RPS6KA2: variants seen among roughly 807,000 people sequenced by gnomAD.
The protein encoded by RPS6KA2 is ribosomal protein S6 kinase alpha-2.
Under a neutral mutation model 91.8 loss-of-function variants are expected in RPS6KA2, and 42 were observed. The ratio of observed to expected loss-of-function variants is 0.46; its 90% confidence interval spans 0.36 to 0.59. The LOEUF is 0.59. Ranked by LOEUF, RPS6KA2 falls within the 20% of genes least tolerant of loss-of-function variation. The pLI is 0.00. For missense variants in RPS6KA2, 798 were observed against 978.5 expected (o/e 0.82, Z 2.46); for synonymous variants, 414 against 393.6 (o/e 1.05, Z -0.61).
chr6:166,479,239 G>A (rs1380842830), intron 10 of RPS6KA2, among the ~76,000 whole-genome samples: 1 of 152,218 alleles, frequency 6.6e-6, no homozygotes, highest in African/African-American at 2.4e-5. Context: ...GGCTTCACGG[G>A]TCCCCAGAGC....
chr6:166,489,416 G>A (rs1489320420), intron 9 of RPS6KA2, among the ~76,000 whole-genome samples: 3 of 152,168 alleles, frequency 2.0e-5, no homozygotes, highest in Non-Finnish European at 2.9e-5. Flanking sequence ...GAAAACCTGC[G>A]AGAGGAGGAC....
rs953290269 is a variant in RPS6KA2, at chr6:166,445,667, T to G, written c.1332+3057A>C. 4.6e-5 allele frequency among the ~76,000 whole-genome samples: 7 copies of G among 152,220 alleles called. No homozygotes were observed. Among genetic ancestry groups the G allele is most frequent in the Non-Finnish European group, 1.0e-4 (7 of 68,034 alleles). Reference sequence around the variant, plus strand: ...TGCTTACTAAAGATTGCTGCATTTCTCTTTCTGTCATTACTCGGTGGGGAC... The same window carrying G: ...TGCTTACTAAAGATTGCTGCATTTCGCTTTCTGTCATTACTCGGTGGGGAC... On this transcript the variant is annotated intron_variant, in intron 14 of 20. Transcript: ENST00000265678. This position sits in a 1 kb window ranked among gnomAD's most constrained non-coding sequence, Gnocchi z 4.5.
chr6:166,685,302 T>TGC (rs1788977834), intron 2 of RPS6KA2, among the ~76,000 whole-genome samples: 365 of 149,568 alleles, frequency 2.4e-3, no homozygotes, highest in Middle Eastern at 7.0e-3. Flanking sequence ...GTGTGCAGGC[T>TGC]GGAAGGACAG....
At chr6:166,545,709 T>G (rs914267944) in intron 1 of RPS6KA2, among the ~76,000 whole-genome samples, 1 of 152,240 alleles carries the variant, frequency 6.6e-6, no homozygotes, top group Non-Finnish European at 1.5e-5. Context: ...CCACTGTTTC[T>G]GCCTTCGCCT....
chr6:166,612,108 C>T lies in RPS6KA2; in HGVS notation c.99+14813G>A, dbSNP rs557982647. Among the ~76,000 whole-genome samples the T allele has an allele frequency of 1.1e-4, 16 of 152,270 alleles. No homozygotes were observed. Among genetic ancestry groups the T allele is most frequent in the African/African-American group, 3.4e-4 (14 of 41,550 alleles). On this transcript the variant is annotated intron_variant, in intron 1 of 20. Coordinates refer to ENST00000265678, the MANE Select transcript of RPS6KA2 (RefSeq NM_021135.6). This position sits in a 1 kb window ranked among gnomAD's most constrained non-coding sequence, Gnocchi z 4.3. ...TTCCCAGGCCTGTTTGTTCTTTTTC[C>T]TCTTATTTTTCCTCCGTCGTCCAAC...
In RPS6KA2 at chr6:166,774,538, A is replaced by G. The variant is rs181174639; in HGVS notation, c.123+83662T>C. Among the ~76,000 whole-genome samples, 210 of 152,192 alleles carry G rather than the reference A, an allele frequency of 1.4e-3. 1 individual carries two copies. The highest frequency in any genetic ancestry group is 4.8e-3 in the African/African-American group (199 of 41,522). ...AGCACCACGTGGCTAAGCTCTCCCA[A>G]GATGCTACGGACCATGGTAGGGAGC... On this transcript the variant is annotated intron_variant, in intron 2 of 21. Transcript: ENST00000503859.
intron 2 of RPS6KA2, among the ~76,000 whole-genome samples, chr6:166,685,856 A>G (rs1368464621): frequency 6.6e-6 from 1 of 152,110 alleles, no homozygotes; most frequent in Non-Finnish European, 1.5e-5. Flanking sequence ...CTCTATCTCC[A>G]TGGTATCTAC....
intron 1 of RPS6KA2, among the ~76,000 whole-genome samples, chr6:166,860,051 A>G (rs1376317167): frequency 6.6e-6 from 1 of 152,242 alleles, no homozygotes; most frequent in Non-Finnish European, 1.5e-5. Flanking sequence ...TTATTTTAAT[A>G]CCATGCAACA....
At chr6:166,831,617 G>A (rs377696753) in intron 2 of RPS6KA2, among the ~76,000 whole-genome samples, 20 of 151,432 alleles carry the variant, frequency 1.3e-4, no homozygotes, top group African/African-American at 3.6e-4. Context: ...TTTCCATGCC[G>A]CATTTGCCCT....
At chr6:166,758,222 A>C (rs1778072054) in intron 2 of RPS6KA2, among the ~76,000 whole-genome samples, 1 of 152,196 alleles carries the variant, frequency 6.6e-6, no homozygotes, top group Non-Finnish European at 1.5e-5. Context: ...TGGGTCAGTG[A>C]ATGCACACCA....
At chr6:166,814,729 G>A (rs1269965420) in intron 2 of RPS6KA2, among the ~76,000 whole-genome samples, 1 of 152,226 alleles carries the variant, frequency 6.6e-6, no homozygotes, top group Non-Finnish European at 1.5e-5. Context: ...ATTGTGTATA[G>A]GAGGGTTCTA....
Position 166,559,648 on chromosome 6 carries a change from G to T in RPS6KA2, c.100-20864C>A, listed in dbSNP as rs551537567. ...CTAAACTCTCCCCTATCCAGAATCC[G>T]AATTGAGTAATATGGTCTGGCCTTA... On this transcript the variant is annotated intron_variant, in intron 1 of 20. Coordinates refer to ENST00000265678, the MANE Select transcript of RPS6KA2 (RefSeq NM_021135.6). Among the ~76,000 whole-genome samples the T allele has an allele frequency of 1.2e-3, 177 of 152,198 alleles. 4 individuals carry two copies. Among genetic ancestry groups the T allele is most frequent in the Admixed American group, 1.3e-3 (20 of 15,298 alleles).
At chr6:166,472,348 A>C (rs1368653552) in intron 10 of RPS6KA2, among the ~76,000 whole-genome samples, 1 of 152,212 alleles carries the variant, frequency 6.6e-6, no homozygotes, top group African/African-American at 2.4e-5. Context: ...AGGCAGAGGA[A>C]ATACAGGTAT....
At chr6:166,671,671 G>A (rs1470196453) in intron 2 of RPS6KA2, among the ~76,000 whole-genome samples, 1 of 151,052 alleles carries the variant, frequency 6.6e-6, no homozygotes, top group Admixed American at 6.6e-5. Flanking sequence ...TCTTCTCTGT[G>A]CTCTGAAATC....
chr6:166,757,280 G>A (rs1778041702), intron 2 of RPS6KA2, among the ~76,000 whole-genome samples: 1 of 152,108 alleles, frequency 6.6e-6, no homozygotes, highest in African/African-American at 2.4e-5. Context: ...GAAACATTAA[G>A]TTTTCTTGGG....
At chr6:166,834,869 G>A (rs1780280341) in intron 2 of RPS6KA2, among the ~76,000 whole-genome samples, 1 of 149,990 alleles carries the variant, frequency 6.7e-6, no homozygotes, top group South Asian at 2.1e-4. Context: ...TTATTTAGCA[G>A]TTCATGCCTT....
intron 2 of RPS6KA2, among the ~76,000 whole-genome samples, chr6:166,680,966 G>A (rs371431455): frequency 2.3e-4 from 35 of 152,312 alleles, no homozygotes; most frequent in African/African-American, 8.2e-4. Flanking sequence ...GCCTGTGAGG[G>A]ACCTGTTTGG....
intron 2 of RPS6KA2, among the ~76,000 whole-genome samples, chr6:166,752,291 T>C (rs1184783504): frequency 6.6e-6 from 1 of 152,190 alleles, no homozygotes; most frequent in Non-Finnish European, 1.5e-5. Flanking sequence ...AACGTAGGGC[T>C]GTGAAGCGCG....
chr6:166,531,408 G>GC (rs1783271352), intron 2 of RPS6KA2, 95 bp from the exon 3 acceptor site: 1 of 950,694 alleles, frequency 1.1e-6, no homozygotes, highest in East Asian at 2.4e-5. Context: ...GAAGTTTAGA[G>GC]CATTTTCAAT....
Sources: gnomAD v4.1 joint callset for allele counts (sites outside exome capture counted in the v4.1 genomes callset) on GRCh38, gnomAD v4.1.1 for gene constraint, Gnocchi (gnomAD v3.1) non-coding constraint, MANE v1.5 for transcripts, NCBI Gene and HGNC (gene_info 2026-07-23, HGNC 2026-07-21) for gene names.